The following OSBPL9 variants were observed in gnomAD, a reference collection of about 807,000 sequenced individuals.
OSBPL9 encodes oxysterol binding protein like 9.
A neutral mutation model predicts 106.6 loss-of-function variants in OSBPL9; 40 were observed. That is an observed-to-expected ratio of 0.38 (90% CI 0.29 to 0.49). OSBPL9 has a LOEUF of 0.49. OSBPL9 is among the 20% of genes least tolerant of loss of function. OSBPL9 has a pLI of 0.97. For synonymous variants in OSBPL9, 269 were observed against 295.4 expected (o/e 0.91, Z 0.92); for missense variants, 609 against 887.2 (o/e 0.69, Z 3.98).
At chr1:51,647,591 A>T (rs900601150) in intron 1 of OSBPL9, among the ~76,000 whole-genome samples, 1 of 152,102 alleles carries the variant, frequency 6.6e-6, no homozygotes. Context: ...TTTTACGTCT[A>T]TTCAGATTTT....
chr1:51,711,902 G>T (rs1187659357), intron 3 of OSBPL9, among the ~76,000 whole-genome samples: 1 of 151,706 alleles, frequency 6.6e-6, no homozygotes, highest in Non-Finnish European at 1.5e-5. Flanking sequence ...GATGGCGGCC[G>T]GGCAGAGATG....
chr1:51,611,812 TA>T (rs1403538695), intron 2 of OSBPL9, among the ~76,000 whole-genome samples: 3 of 152,004 alleles, frequency 2.0e-5, no homozygotes, highest in Non-Finnish European at 4.4e-5. Flanking sequence ...CTGTCTCTAC[TA>T]AAAATACAAA....
chr1:51,768,354 C>T (rs1673094743), intron 12 of OSBPL9, among the ~76,000 whole-genome samples: 2 of 150,798 alleles, frequency 1.3e-5, no homozygotes, highest in South Asian at 4.1e-4. Context: ...GCTGGGATTA[C>T]AGGTGCCCAC....
chr1:51,664,818 C>A (rs1648043185), intron 2 of OSBPL9, among the ~76,000 whole-genome samples: 1 of 152,086 alleles, frequency 6.6e-6, no homozygotes, highest in Non-Finnish European at 1.5e-5. Context: ...ACAAGGGGAG[C>A]TTTTCTGTTC....
At chr1:51,784,669 T>A (rs1311061875) in intron 20 of OSBPL9, 87 bp downstream of exon 20, 2 of 1,431,232 alleles carry the variant, frequency 1.4e-6, no homozygotes. Flanking sequence ...ATTAGGAGTG[T>A]GAAAGAATGG....
At position 51,751,244 on chromosome 1, in the gene OSBPL9, G is replaced by T. The variant is rs529995044; in HGVS notation, c.543+1049G>T. Among the ~76,000 whole-genome samples the T allele has an allele frequency of 5.3e-5, 8 of 151,996 alleles. No homozygotes were observed. In the South Asian group the frequency reaches 1.7e-3, roughly 32 times the overall value. On this transcript the variant is annotated intron_variant, in intron 8 of 23. Transcript: ENST00000428468. ...CGAGGTTACAGGCATGCACCACCACGCCTGGCTAATTCTTATATTTTTAGT... is the reference window on the plus strand; with the variant it reads ...CGAGGTTACAGGCATGCACCACCACTCCTGGCTAATTCTTATATTTTTAGT...
chr1:51,782,593 C>T lies in OSBPL9; in HGVS notation c.1463C>T (p.Ser488Phe), dbSNP rs1676648613. 6.2e-7 allele frequency: 1 copy of T among 1,613,928 alleles called. No homozygotes were observed. Among genetic ancestry groups the T allele is most frequent in the East Asian group, 2.2e-5 (1 of 44,884 alleles). The stretch of plus-strand genomic sequence containing the variant: ...TCAGAAGGACCAGTTCCCTGGGTTT[C>T]CAAAAACAGTGTAACATTTGTGGCT... ...LVSEGPVPWV[S>F]KNSVTFVAEQ... The change falls in exon 17 of 24, where the codon TCC (serine) becomes TTC (phenylalanine). Residue 488 changes from serine to phenylalanine, a missense_variant. By Grantham distance (155) the Ser-to-Phe change is radical. This residue lies in a region of OSBPL9 where 356 missense variants were observed against 505.8 expected (regional missense o/e 0.70). Transcript: ENST00000428468.
the OSBPL9 span, among the ~76,000 whole-genome samples, chr1:51,546,729 G>C: frequency 6.6e-6 from 1 of 150,846 alleles, no homozygotes; most frequent in Non-Finnish European, 1.5e-5. Context: ...AACATAACTA[G>C]ATAAGAGAAT....
At chr1:51,528,420 G>GT in the OSBPL9 span, among the ~76,000 whole-genome samples, 2 of 151,514 alleles carry the variant, frequency 1.3e-5, no homozygotes, top group Non-Finnish European at 2.9e-5. Flanking sequence ...GCTCATGCCT[G>GT]TAAGTCCCAG....
chr1:51,658,520 T>C (rs1478956610), intron 2 of OSBPL9, among the ~76,000 whole-genome samples: 1 of 152,210 alleles, frequency 6.6e-6, no homozygotes. Context: ...AAACTATTAA[T>C]CTACATGTGA....
the OSBPL9 span, among the ~76,000 whole-genome samples, chr1:51,552,601 G>T: frequency 1.3e-5 from 2 of 152,062 alleles, no homozygotes; most frequent in African/African-American, 4.8e-5. Context: ...GTATTACAAG[G>T]TCTAATAATT....
At chr1:51,670,712 G>A (rs1166453117) in intron 3 of OSBPL9, among the ~76,000 whole-genome samples, 1 of 152,188 alleles carries the variant, frequency 6.6e-6, no homozygotes, top group Non-Finnish European at 1.5e-5. Flanking sequence ...TAACGATGCT[G>A]TCCTGAAATT....
At chr1:51,652,550 T>C (rs997466415) in intron 2 of OSBPL9, among the ~76,000 whole-genome samples, 2 of 152,220 alleles carry the variant, frequency 1.3e-5, no homozygotes, top group Non-Finnish European at 2.9e-5. Flanking sequence ...ATTAATATTT[T>C]ATCTAGGTCA....
chr1:51,710,957 T>G (rs1170119175), intron 3 of OSBPL9, among the ~76,000 whole-genome samples: 1 of 152,226 alleles, frequency 6.6e-6, no homozygotes, highest in African/African-American at 2.4e-5. Context: ...CTCTTTTGTC[T>G]TCTTCTGGGG....
intron 2 of OSBPL9, among the ~76,000 whole-genome samples, chr1:51,599,534 A>C (rs758971857): frequency 1.7e-4 from 26 of 152,164 alleles, no homozygotes; most frequent in East Asian, 1.3e-3. Context: ...TTAGAATATC[A>C]TGCTTAGATC....
At chr1:51,616,585 C>T (rs1557587327), upstream of OSBPL9, among the ~76,000 whole-genome samples, 1 of 152,188 alleles carries the variant, frequency 6.6e-6, no homozygotes, top group African/African-American at 2.4e-5. Flanking sequence ...CTCTCTCCTT[C>T]CTTGCTTATG....
intron 4 of OSBPL9, among the ~76,000 whole-genome samples, chr1:51,719,880 A>C (rs561127159): frequency 7.9e-5 from 12 of 152,344 alleles, no homozygotes; most frequent in African/African-American, 2.6e-4. Flanking sequence ...CCTTGCTAAA[A>C]GTGGGTCACT....
At chr1:51,570,277 A>C in the OSBPL9 span, among the ~76,000 whole-genome samples, 1 of 152,208 alleles carries the variant, frequency 6.6e-6, no homozygotes, top group Non-Finnish European at 1.5e-5. Flanking sequence ...TGTTTCATTC[A>C]CATATATTAC....
chr1:51,565,596 T>G, the OSBPL9 span: 1 of 152,238 alleles, frequency 6.6e-6, no homozygotes, highest in African/African-American at 2.4e-5. Context: ...AAATAATACC[T>G]GTTTGTGAAG....
Sources: allele counts gnomAD v4.1 joint callset (sites outside exome capture counted in the v4.1 genomes callset), GRCh38; gene constraint gnomAD v4.1.1; regional missense constraint gnomAD v4.1.1; transcripts MANE v1.5; gene names NCBI Gene and HGNC (gene_info 2026-07-23, HGNC 2026-07-21).